Variants in CEP95 observed in about 807,000 individuals in gnomAD.
The protein encoded by CEP95 is centrosomal protein 95, also known as centrosomal protein of 95 kDa.
CEP95 carries 98 observed loss-of-function variants against 111.2 expected under a neutral mutation model. The ratio of observed to expected loss-of-function variants is 0.88; its 90% confidence interval spans 0.75 to 1.04. CEP95 has a LOEUF of 1.04. CEP95 is among the 50% of genes least tolerant of loss of function. The probability of loss-of-function intolerance (pLI) is 0.00; values close to 1 mark genes in which losing one functional copy is unlikely to be tolerated. For synonymous variants in CEP95, 323 were observed against 327.1 expected (o/e 0.99, Z 0.14); for missense variants, 1,027 against 977.2 (o/e 1.05, Z -0.68).
At chr17:64,513,067 T>G (rs74900761) in intron 3 of CEP95, among the ~76,000 whole-genome samples, 1,903 of 152,242 alleles carry the variant, frequency 0.012, 41 homozygotes, top group African/African-American at 0.043. Context: ...ACTGAAAAGT[T>G]TTGAGGATGC....
upstream of CEP95, chr17:64,506,945 C>T (rs2038564373): frequency 7.4e-6 from 6 of 816,280 alleles, no homozygotes; most frequent in Admixed American, 1.0e-4. Flanking sequence ...CGGCGAGAAG[C>T]TCTTTTAACG....
At chr17:64,514,393 C>CT in intron 4 of CEP95, 35 bp downstream of exon 4, 1 of 948,306 alleles carries the variant, frequency 1.1e-6, no homozygotes, top group Non-Finnish European at 1.7e-6. Context: ...TTTGGTTTAC[C>CT]TTTTATGATG....
In CEP95 at chr17:64,526,198, T is replaced by A. The variant is rs1555679088; in HGVS notation, c.1150T>A (p.Trp384Arg). The A allele has an allele frequency of 6.2e-7, 1 of 1,607,358 alleles. No homozygotes were observed. Among genetic ancestry groups the A allele is most frequent in the Admixed American group, 1.7e-5 (1 of 58,356 alleles). ...KLSQRLSELD[W>R]MLKSALGDRI... ...CTCTCAGCGGCTTTCTGAACTAGAT[T>A]GGGCAAGTCTTGTTTTTTCATCTAT... is the stretch of plus-strand genomic sequence containing the variant. Residue 384 changes from tryptophan to arginine, a missense_variant and splice_region_variant, in exon 10 of 20, where the codon TGG becomes AGG. Coordinates refer to ENST00000556440, the MANE Select transcript of CEP95 (RefSeq NM_138363.3).
chr17:64,512,974 A>G (rs2038970870), intron 3 of CEP95, among the ~76,000 whole-genome samples: 3 of 152,146 alleles, frequency 2.0e-5, no homozygotes, highest in South Asian at 2.1e-4. Context: ...AAATTGTAAA[A>G]CAGTTTCTCC....
Position 64,534,142 on chromosome 17 carries a change from C to T in CEP95, c.1918-443C>T, listed in dbSNP as rs535585381. 2.6e-4 allele frequency: 44 copies of T among 166,992 alleles called. No individual in the cohort carries two copies. The South Asian group carries it at 6.8e-3, about 26-fold the overall frequency. The allele number at this position is 166,992 out of a possible 1,614,324, so 10.3% of individuals were successfully genotyped here. ...AAAACACTAGTATCTGAAACACCTA[C>T]ATAAGAGGCTTTATGTACATGACCC... is the stretch of plus-strand genomic sequence containing the variant. On this transcript the variant is annotated intron_variant, in intron 16 of 19. Transcript: ENST00000556440.
intron 2 of CEP95, among the ~76,000 whole-genome samples, chr17:64,509,404 C>T (rs782370438): frequency 2.0e-5 from 3 of 152,226 alleles, no homozygotes; most frequent in Admixed American, 6.5e-5. Flanking sequence ...GGGCCAGGCG[C>T]GGTGGCTCAC....
chr17:64,506,995 C>A lies in CEP95; in HGVS notation c.-103C>A. On this transcript the variant is annotated 5_prime_UTR_variant, in exon 1 of 20. Transcript: ENST00000556440. Reference sequence around the variant, plus strand: ...ACGCCTCCTTCCCCGCGCTTTGGTTCGTGCGTCCGCGCCCCAGTGTCGGGT... The same window carrying A: ...ACGCCTCCTTCCCCGCGCTTTGGTTAGTGCGTCCGCGCCCCAGTGTCGGGT... 7.4e-7 allele frequency: 1 copy of A among 1,354,468 alleles called. No individual in the cohort carries two copies. The highest frequency in any genetic ancestry group is 2.5e-5 in the East Asian group (1 of 40,028). The allele number at this position is 1,354,468 out of a possible 1,614,324, so 83.9% of individuals were successfully genotyped here. A position where few individuals can be genotyped will look rare whatever the true frequency, so the allele number is the denominator to read the frequency against.
intron 19 of CEP95, chr17:64,537,398 A>G: frequency 1.5e-6 from 2 of 1,377,186 alleles, no homozygotes; most frequent in Non-Finnish European, 1.9e-6. Flanking sequence ...GGGAATGGAG[A>G]GAAGACTAAT....
At chr17:64,508,937 T>C (rs943988897) in intron 2 of CEP95, among the ~76,000 whole-genome samples, 1 of 151,968 alleles carries the variant, frequency 6.6e-6, no homozygotes, top group Non-Finnish European at 1.5e-5. Flanking sequence ...ATTATAATAT[T>C]GTATTCCTTA....
rs781932444 is a variant in CEP95, at chr17:64,529,379, A to G, written c.1398A>G (p.Lys466=). 1 of 1,613,882 alleles carries G rather than the reference A, an allele frequency of 6.2e-7. No homozygotes were observed. The highest frequency in any genetic ancestry group is 8.5e-7 in the Non-Finnish European group (1 of 1,179,822). Residue 466 remains lysine (K), a synonymous_variant, in exon 12 of 20, where the codon AAA becomes AAG. Coordinates refer to ENST00000556440, the MANE Select transcript of CEP95 (RefSeq NM_138363.3). ...NKHKQFHLER[K]RQRKPRETDV... ...ACAAACAGTTCCACTTGGAGAGAAA[A>G]AGGCAGCGCAAGCCAAGAGAAACAG...
chr17:64,527,016 C>T (rs1445314060), intron 10 of CEP95, 95 bp from the exon 11 acceptor site: 2 of 877,848 alleles, frequency 2.3e-6, no homozygotes, highest in Non-Finnish European at 3.6e-6. Context: ...TTATTAGTGA[C>T]TGTCAAAGGA....
chr17:64,534,494 C>T, intron 16 of CEP95, 91 bp from the exon 17 acceptor site: 1 of 1,188,410 alleles, frequency 8.4e-7, no homozygotes, highest in Non-Finnish European at 1.2e-6. Flanking sequence ...TGCCTGAAGA[C>T]ATCGTGATGG....
intron 18 of CEP95, 119 bp from the exon 19 acceptor site, chr17:64,536,922 A>G (rs1555681673): frequency 1.7e-6 from 2 of 1,191,538 alleles, no homozygotes; most frequent in Non-Finnish European, 1.2e-6. Flanking sequence ...ACCTGACCAT[A>G]GTACAGTATA....
chr17:64,509,907 A>C (rs892574475), intron 2 of CEP95, among the ~76,000 whole-genome samples: 4 of 149,958 alleles, frequency 2.7e-5, no homozygotes, highest in Non-Finnish European at 5.9e-5. Flanking sequence ...CTATATATCT[A>C]TATATATATA....
chr17:64,527,316 G>C, intron 11 of CEP95, 52 bp downstream of exon 11: 12 of 1,410,966 alleles, frequency 8.5e-6, no homozygotes, highest in Non-Finnish European at 1.1e-5. Flanking sequence ...AACTACTTAG[G>C]CAGTTCCATC....
intron 3 of CEP95, among the ~76,000 whole-genome samples, chr17:64,512,497 T>G (rs2038949340): frequency 6.6e-6 from 1 of 152,258 alleles, no homozygotes; most frequent in Admixed American, 6.5e-5. Context: ...GTATTTCATT[T>G]ATGTTTAGAA....
intron 14 of CEP95, chr17:64,532,303 G>A: frequency 8.7e-7 from 1 of 1,143,734 alleles, no homozygotes. Flanking sequence ...CACTTTGACT[G>A]CCTTTTTGTC....
chr17:64,530,912 C>T lies in CEP95; in HGVS notation c.1447-14C>T, dbSNP rs1568151552. The T allele has an allele frequency of 1.3e-6, 2 of 1,486,466 alleles. No homozygotes were observed. The highest frequency in any genetic ancestry group is 1.4e-5 in the African/African-American group (1 of 71,424). 92.1% of individuals were successfully genotyped at this position (1,486,466 alleles called of 1,614,324 possible). ...GTTTTTAATAACTGTAATATATGAC[C>T]TTTTCCCCTTTAGGCGTTTACTGAA... On this transcript the variant is annotated splice_polypyrimidine_tract_variant and intron_variant, in intron 12 of 19. Coordinates refer to ENST00000556440, the MANE Select transcript of CEP95 (RefSeq NM_138363.3).
At chr17:64,523,593 TA>T (rs1555678499) in intron 8 of CEP95, among the ~76,000 whole-genome samples, 2 of 151,790 alleles carry the variant, frequency 1.3e-5, no homozygotes, top group African/African-American at 4.8e-5. Context: ...AAACCTTTTT[TA>T]TATAGTCATC....
Sources: allele counts gnomAD v4.1 joint callset (sites outside exome capture counted in the v4.1 genomes callset), GRCh38; gene constraint gnomAD v4.1.1; transcripts MANE v1.5; gene names NCBI Gene and HGNC (gene_info 2026-07-23, HGNC 2026-07-21).